The following TRHDE variants were observed in gnomAD, a reference collection of about 807,000 sequenced individuals.
The protein encoded by TRHDE is thyrotropin-releasing hormone-degrading ectoenzyme.
In TRHDE, 72 loss-of-function variants were observed where a neutral mutation model predicts 125.7. The observed-to-expected ratio is 0.57, with a 90% confidence interval of 0.47 to 0.70. The LOEUF is 0.70. TRHDE is among the 30% of genes least tolerant of loss of function. The probability of loss-of-function intolerance (pLI) is 0.00; values close to 1 mark genes in which losing one functional copy is unlikely to be tolerated. For synonymous variants in TRHDE, 509 were observed against 509.1 expected, an observed-to-expected ratio of 1.00 and a Z score of 0.00; for missense variants, 1,110 against 1,327.1, an observed-to-expected ratio of 0.84 and a Z score of 2.54.
intron 6 of TRHDE, among the ~76,000 whole-genome samples, chr12:72,531,222 T>G (rs529055046): frequency 6.6e-6 from 1 of 152,258 alleles, no homozygotes; most frequent in East Asian, 1.9e-4. Flanking sequence ...TTAATGAGAT[T>G]AAATGTTTTT....
chr12:72,527,497 A>T (rs1388636103), intron 6 of TRHDE, among the ~76,000 whole-genome samples: 1 of 152,014 alleles, frequency 6.6e-6, no homozygotes, highest in Non-Finnish European at 1.5e-5. Flanking sequence ...GACCAGAAGA[A>T]ATGGCCATCA....
chr12:72,509,194 A>G (rs565309378), intron 6 of TRHDE, among the ~76,000 whole-genome samples: 1 of 152,144 alleles, frequency 6.6e-6, no homozygotes, highest in East Asian at 1.9e-4. Flanking sequence ...TATCTTTATC[A>G]AGCATTCAGA....
Position 72,667,173 on chromosome 12 carries a change from A to T in TRHDE, c.*3978A>T, listed in dbSNP as rs529797327. On this transcript the variant is annotated 3_prime_UTR_variant, in exon 19 of 19. Coordinates refer to ENST00000261180, the MANE Select transcript of TRHDE (RefSeq NM_013381.3). ...ATATATTTAATTAAAATCTACTGGC[A>T]ATTAGAATTTTAAGGAATTCTTTTC... 12 of 152,060 alleles carry T rather than the reference A, an allele frequency of 7.9e-5. No individual in the cohort carries two copies. The South Asian group carries it at 2.3e-3, about 29-fold the overall frequency. The allele number at this position is 152,060 out of a possible 1,614,324, so 9.4% of individuals were successfully genotyped here.
intron 2 of TRHDE, among the ~76,000 whole-genome samples, chr12:72,187,811 G>A (rs1198779058): frequency 5.3e-5 from 8 of 152,102 alleles, no homozygotes; most frequent in Non-Finnish European, 1.2e-4. Flanking sequence ...GCAGAACTGG[G>A]ATTTACATTG....
chr12:72,473,038 T>C, intron 4 of TRHDE, 29 bp from the exon 5 acceptor site: 1 of 1,511,790 alleles, frequency 6.6e-7, no homozygotes, highest in Non-Finnish European at 9.2e-7. Context: ...TTTTATTTTA[T>C]TTGATGACCA....
intron 2 of TRHDE, among the ~76,000 whole-genome samples, chr12:72,354,387 A>G (rs1239602916): frequency 6.6e-6 from 1 of 151,514 alleles, no homozygotes; most frequent in Non-Finnish European, 1.5e-5. Context: ...AATCTGAAAC[A>G]GAAGAGGAAA....
chr12:72,564,652 A>ATTT, intron 9 of TRHDE, among the ~76,000 whole-genome samples: 4 of 62,790 alleles, frequency 6.4e-5, no homozygotes, highest in Non-Finnish European at 1.7e-4. Context: ...CATGCGTATG[A>ATTT]ATTTTTTTTT....
At chr12:72,202,927 A>AT (rs1877589367) in intron 2 of TRHDE, among the ~76,000 whole-genome samples, 1 of 151,266 alleles carries the variant, frequency 6.6e-6, no homozygotes, top group East Asian at 1.9e-4. Flanking sequence ...CAGTGTTTAG[A>AT]TTTTTCCTTT....
intron 3 of TRHDE, among the ~76,000 whole-genome samples, chr12:72,380,750 CCTTCCTTCCTTCCTTGCT>C (rs1872118390): frequency 1.1e-5 from 1 of 95,192 alleles, no homozygotes; most frequent in African/African-American, 6.7e-5. Flanking sequence ...TTCCTTCCTT[CCTTCCTTCCTTCCTTGCT>C]TCCTTCCTTC....
Position 72,528,288 on chromosome 12 carries a change from C to T in TRHDE, c.1723-14003C>T, listed in dbSNP as rs12581974. Among the ~76,000 whole-genome samples, 35 of 152,230 alleles carry T rather than the reference C, an allele frequency of 2.3e-4. 1 individual carries two copies. In the East Asian group the frequency reaches 6.0e-3, roughly 26 times the overall value. On this transcript the variant is annotated intron_variant, in intron 6 of 18. Transcript: ENST00000261180. ...ATGCCTTCTTCACTAACATTAATCA[C>T]GTATTTTTCTTAATACTCTAGATTT...
At chr12:72,257,929 T>C (rs571959604) in intron 2 of TRHDE, 7 of 152,250 alleles carry the variant, frequency 4.6e-5, no homozygotes, top group African/African-American at 1.4e-4. Flanking sequence ...TCCACTTCTA[T>C]TTAATAAATT....
At chr12:72,647,640 A>G (rs911093337) in intron 15 of TRHDE, among the ~76,000 whole-genome samples, 2 of 152,126 alleles carry the variant, frequency 1.3e-5, no homozygotes, top group Non-Finnish European at 1.5e-5. Flanking sequence ...AGAAACTACT[A>G]TGAACAATTA....
intron 2 of TRHDE, among the ~76,000 whole-genome samples, chr12:72,148,593 A>C (rs1047608073): frequency 1.3e-5 from 2 of 152,180 alleles, no homozygotes; most frequent in Non-Finnish European, 2.9e-5. Flanking sequence ...ACAAATACAC[A>C]CGCATATTCA....
intron 3 of TRHDE, among the ~76,000 whole-genome samples, chr12:72,463,747 G>A (rs761177177): frequency 2.0e-5 from 3 of 152,178 alleles, no homozygotes; most frequent in Non-Finnish European, 4.4e-5. Context: ...GCAGACAGGA[G>A]AGAACTGTTA....
At chr12:72,534,580 A>C (rs1868748840) in intron 6 of TRHDE, among the ~76,000 whole-genome samples, 1 of 151,988 alleles carries the variant, frequency 6.6e-6, no homozygotes, top group Non-Finnish European at 1.5e-5. Context: ...TAGCATAAAA[A>C]GATGATATTG....
intron 13 of TRHDE, among the ~76,000 whole-genome samples, chr12:72,620,394 G>A (rs1008627854): frequency 1.0e-4 from 15 of 147,032 alleles, no homozygotes; most frequent in East Asian, 4.1e-4. Flanking sequence ...GTAGTGGCTT[G>A]TGCCTGTATT....
intron 2 of TRHDE, chr12:72,253,547 G>A (rs1210745529): frequency 6.6e-6 from 1 of 152,062 alleles, no homozygotes; most frequent in Non-Finnish European, 1.5e-5. Flanking sequence ...AGCAATTTTA[G>A]TCTCACAGAA....
At chr12:72,593,481 A>C (rs1303686819) in intron 12 of TRHDE, among the ~76,000 whole-genome samples, 2 of 151,980 alleles carry the variant, frequency 1.3e-5, no homozygotes, top group East Asian at 3.9e-4. Flanking sequence ...TGAATATTAT[A>C]CAGGTTTTTT....
chr12:72,266,619 G>A (rs894174200), intron 2 of TRHDE, among the ~76,000 whole-genome samples: 4 of 151,470 alleles, frequency 2.6e-5, no homozygotes, highest in African/African-American at 9.7e-5. Flanking sequence ...TATAGACCAG[G>A]CATGTTTGCT....
Sources: gnomAD v4.1 joint callset for allele counts (sites outside exome capture counted in the v4.1 genomes callset) on GRCh38, gnomAD v4.1.1 for gene constraint, MANE v1.5 for transcripts, NCBI Gene and HGNC (gene_info 2026-07-23, HGNC 2026-07-21) for gene names.